PTPRD: variants seen among roughly 807,000 people sequenced by gnomAD.
The protein encoded by PTPRD is protein tyrosine phosphatase receptor type D.
A neutral mutation model predicts 214.5 loss-of-function variants in PTPRD; 34 were observed. The ratio of observed to expected loss-of-function variants is 0.16; its 90% CI spans 0.12 to 0.21. The LOEUF (loss-of-function observed/expected upper bound fraction) is 0.21, where lower values mean the gene tolerates loss of function less well. PTPRD is among the 10% of genes least tolerant of loss of function. The pLI is 1.00. For synonymous variants in PTPRD, 1,128 were observed against 845.7 expected, an observed-to-expected ratio of 1.33 and a Z score of -5.79; for missense variants, 2,545 against 2,398.7, an observed-to-expected ratio of 1.06 and a Z score of -1.27.
intron 9 of PTPRD, among the ~76,000 whole-genome samples, chr9:9,204,333 A>T (rs1165599173): frequency 6.6e-6 from 1 of 152,072 alleles, no homozygotes; most frequent in African/African-American, 2.4e-5. Context: ...AAAGTTACTA[A>T]TTTTTTTCCT....
chr9:10,270,013 T>G (rs1456838089), intron 3 of PTPRD, among the ~76,000 whole-genome samples: 1 of 152,010 alleles, frequency 6.6e-6, no homozygotes, highest in Non-Finnish European at 1.5e-5. Context: ...AGGAAATACA[T>G]GTTACAATGG....
chr9:8,472,617 A>C (rs1786491808), intron 30 of PTPRD, among the ~76,000 whole-genome samples: 1 of 152,238 alleles, frequency 6.6e-6, no homozygotes, highest in Admixed American at 6.5e-5. Flanking sequence ...TTGCATTTCA[A>C]AGACTTAGCA....
chr9:9,104,877 GACAA>G (rs1331629195), intron 10 of PTPRD, among the ~76,000 whole-genome samples: 1 of 152,180 alleles, frequency 6.6e-6, no homozygotes, highest in Non-Finnish European at 1.5e-5. Flanking sequence ...CCACGAGTGA[GACAA>G]ACAAACTGGT....
At chr9:9,467,663 T>A (rs2094304915) in intron 8 of PTPRD, among the ~76,000 whole-genome samples, 1 of 148,364 alleles carries the variant, frequency 6.7e-6, no homozygotes, top group Admixed American at 6.9e-5. Context: ...ATGTTTACTA[T>A]CGATTTCAGT....
Position 10,461,279 on chromosome 9 carries a change from C to T in PTPRD, c.-599-120262G>A, listed in dbSNP as rs1444477897. ...TGGGGGAAAAAAGGAAACTCTTGTA[C>T]TGTGTTGGTGCAGGCATTATGGGAA... On this transcript the variant is annotated intron_variant, in intron 2 of 45. Transcript: ENST00000381196. 2.6e-5 allele frequency among the ~76,000 whole-genome samples: 4 copies of T among 151,592 alleles called. No individual in the cohort carries two copies. In the East Asian group the frequency reaches 7.7e-4, roughly 29 times the overall value.
At chr9:8,984,439 A>G (rs1331292815) in intron 11 of PTPRD, among the ~76,000 whole-genome samples, 1 of 152,136 alleles carries the variant, frequency 6.6e-6, no homozygotes, top group Non-Finnish European at 1.5e-5. Flanking sequence ...ATATAAAAAA[A>G]TTTAAATTAT....
rs568830161 is a variant in PTPRD, at chr9:8,625,393, CA to C, written c.352+7923del. Reference sequence around the variant, plus strand: ...ATCTGCAGTTACCCACGTAATTAAACAAATACATAAACAAACAGAAAGAACT... The same window carrying C: ...ATCTGCAGTTACCCACGTAATTAAACAATACATAAACAAACAGAAAGAACT... On this transcript the variant is annotated intron_variant, in intron 14 of 45. Coordinates refer to ENST00000381196, the MANE Select transcript of PTPRD (RefSeq NM_002839.4). Among the ~76,000 whole-genome samples, 213 of 151,816 alleles carry C rather than the reference CA, an allele frequency of 1.4e-3. 2 individuals carry two copies. Among genetic ancestry groups the C allele is most frequent in the African/African-American group, 5.0e-3 (207 of 41,492 alleles).
rs12006346 is a variant in PTPRD, at chr9:9,041,309, C to A, written c.-142-22574G>T. On this transcript the variant is annotated intron_variant, in intron 10 of 45. Transcript: ENST00000381196. The stretch of plus-strand genomic sequence containing the variant: ...GTTTACTGTACAGATTATTTTGTCA[C>A]TCAGGTATTAAGCCTAGTACCCATT... Among the ~76,000 whole-genome samples, 457 of 152,154 alleles carry A rather than the reference C, an allele frequency of 3.0e-3. 2 individuals are homozygous for A. The highest frequency in any genetic ancestry group is 0.01 in the African/African-American group (429 of 41,520).
chr9:10,221,253 AC>A lies in PTPRD; in HGVS notation c.-545+119709del, dbSNP rs377472003. Among the ~76,000 whole-genome samples the A allele has an allele frequency of 1.2e-3, 186 of 152,162 alleles. 3 individuals carry two copies. In the South Asian group the frequency reaches 0.036, roughly 29 times the overall value. ...ATAAATTACAGAATTTGGGTACTGA[AC>A]GGGAGCTCAGATACAAACATATTCA... On this transcript the variant is annotated intron_variant, in intron 3 of 45. Coordinates refer to ENST00000381196, the MANE Select transcript of PTPRD (RefSeq NM_002839.4).
At chr9:10,381,175 T>TG (rs1264226788) in intron 2 of PTPRD, among the ~76,000 whole-genome samples, 9 of 151,900 alleles carry the variant, frequency 5.9e-5, no homozygotes, top group African/African-American at 1.9e-4. Flanking sequence ...TCATGGACGA[T>TG]TACTCACTAT....
chr9:10,199,065 T>C (rs2099409179), intron 3 of PTPRD, among the ~76,000 whole-genome samples: 1 of 152,034 alleles, frequency 6.6e-6, no homozygotes, highest in Non-Finnish European at 1.5e-5. Context: ...TTCTTTTTTT[T>C]TTTCTTCAGG....
chr9:9,325,130 C>T (rs1173257943), intron 9 of PTPRD, among the ~76,000 whole-genome samples: 1 of 152,116 alleles, frequency 6.6e-6, no homozygotes, highest in Non-Finnish European at 1.5e-5. Context: ...TAGCGTGATG[C>T]CTCCAGCTTT....
chr9:9,979,568 G>A (rs545551708), intron 4 of PTPRD, among the ~76,000 whole-genome samples: 19 of 152,070 alleles, frequency 1.2e-4, no homozygotes, highest in Non-Finnish European at 8.8e-5. Context: ...AGATGGAATT[G>A]TAACATATAA....
chr9:8,736,353 C>T (rs555786693), intron 11 of PTPRD, among the ~76,000 whole-genome samples: 187 of 152,234 alleles, frequency 1.2e-3, no homozygotes, highest in Non-Finnish European at 2.1e-3. Context: ...CTACTGCATC[C>T]TCTATTACTG....
At chr9:9,132,551 T>C (rs1243469748) in intron 10 of PTPRD, among the ~76,000 whole-genome samples, 2 of 152,240 alleles carry the variant, frequency 1.3e-5, no homozygotes, top group Non-Finnish European at 2.9e-5. Context: ...AGTATCTTTA[T>C]TTCAAAGGAA....
Position 8,951,130 on chromosome 9 carries a change from G to C in PTPRD, c.-104+67567C>G, listed in dbSNP as rs2099099401. Among the ~76,000 whole-genome samples, 3 of 45,208 alleles carry C rather than the reference G, an allele frequency of 6.6e-5. No homozygotes were observed. In the Admixed American group the frequency reaches 7.6e-4, roughly 11 times the overall value. The allele number at this position is 45,208 out of a possible 152,430, so 29.7% of individuals were successfully genotyped here. A position where few individuals can be genotyped will look rare whatever the true frequency, so the allele number is the denominator to read the frequency against. On this transcript the variant is annotated intron_variant, in intron 11 of 45. Transcript: ENST00000381196. ...GTGGTTGTGTTAAGGCATTTGTTTAGGAAAAAGAGTGTGTGTGTGTGTGTG... is the reference window on the plus strand; with the variant it reads ...GTGGTTGTGTTAAGGCATTTGTTTACGAAAAAGAGTGTGTGTGTGTGTGTG...
intron 11 of PTPRD, among the ~76,000 whole-genome samples, chr9:8,896,771 G>C (rs2098616767): frequency 6.6e-6 from 1 of 152,256 alleles, no homozygotes; most frequent in East Asian, 1.9e-4. Flanking sequence ...CAGTGCTAAA[G>C]CTTCCCACAG....
At chr9:9,001,585 T>C (rs543045453) in intron 11 of PTPRD, among the ~76,000 whole-genome samples, 1 of 152,112 alleles carries the variant, frequency 6.6e-6, no homozygotes, top group Non-Finnish European at 1.5e-5. Flanking sequence ...ATCAGAGTTT[T>C]AAGAGAAGTT....
At chr9:10,449,492 G>T (rs1053806190) in intron 2 of PTPRD, among the ~76,000 whole-genome samples, 3 of 145,170 alleles carry the variant, frequency 2.1e-5, no homozygotes, top group African/African-American at 8.4e-5. Flanking sequence ...CTCTCTGCCT[G>T]GCTGCCCATC....
Sources: allele counts gnomAD v4.1 joint callset (sites outside exome capture counted in the v4.1 genomes callset), GRCh38; gene constraint gnomAD v4.1.1; transcripts MANE v1.5; gene names NCBI Gene and HGNC (gene_info 2026-07-23, HGNC 2026-07-21).